Variants in BRINP1 observed in about 807,000 individuals in gnomAD.
BRINP1 encodes BMP/retinoic acid inducible neural specific 1.
BRINP1 carries 17 observed loss-of-function variants against 72.9 expected under a neutral mutation model. The observed-to-expected ratio is 0.23, with a 90% CI of 0.16 to 0.35. The LOEUF is 0.35. Among genes scored for constraint, BRINP1 ranks in the 10% least tolerant of loss-of-function variants. The pLI is 1.00. For missense variants in BRINP1, 850 were observed against 1,001.6 expected, an observed-to-expected ratio of 0.85 and a Z score of 2.04; for synonymous variants, 418 against 378.5, an observed-to-expected ratio of 1.10 and a Z score of -1.21.
At chr9:119,327,264 C>T (rs535131178) in intron 1 of BRINP1, among the ~76,000 whole-genome samples, 2 of 152,242 alleles carry the variant, frequency 1.3e-5, no homozygotes. Context: ...GTATTAAGCC[C>T]AGCACGCATT....
At chr9:119,219,835 T>C (rs554395951) in intron 5 of BRINP1, among the ~76,000 whole-genome samples, 1 of 152,164 alleles carries the variant, frequency 6.6e-6, no homozygotes, top group South Asian at 2.1e-4. Flanking sequence ...TCCACTCTCC[T>C]AGGGGGTAGC....
intron 1 of BRINP1, among the ~76,000 whole-genome samples, chr9:119,316,418 C>T (rs1384145362): frequency 1.3e-5 from 2 of 152,252 alleles, no homozygotes; most frequent in South Asian, 4.1e-4. Context: ...TACAAAATAG[C>T]TTTATATCTG....
intron 7 of BRINP1, among the ~76,000 whole-genome samples, chr9:119,182,491 A>G (rs1386300045): frequency 1.3e-5 from 2 of 152,244 alleles, no homozygotes; most frequent in African/African-American, 4.8e-5. Context: ...TGAAATTTCA[A>G]TTTCCAAGGT....
At chr9:119,175,528 A>G (rs1365461271) in intron 7 of BRINP1, among the ~76,000 whole-genome samples, 5 of 152,090 alleles carry the variant, frequency 3.3e-5, no homozygotes, top group Non-Finnish European at 7.4e-5. Context: ...AATAAAAAAA[A>G]GGGGGGGTTA....
At chr9:119,184,253 G>A (rs535724450) in intron 7 of BRINP1, among the ~76,000 whole-genome samples, 7 of 152,134 alleles carry the variant, frequency 4.6e-5, no homozygotes, top group African/African-American at 9.6e-5. Context: ...AATACACCCC[G>A]GACAGCACTC....
At chr9:119,183,026 A>G (rs1829575088) in intron 7 of BRINP1, among the ~76,000 whole-genome samples, 1 of 152,260 alleles carries the variant, frequency 6.6e-6, no homozygotes, top group African/African-American at 2.4e-5. Context: ...GCACTAAGTC[A>G]TCAAGGTTGT....
At chr9:119,341,795 A>G (rs1564252785) in intron 1 of BRINP1, among the ~76,000 whole-genome samples, 1 of 151,894 alleles carries the variant, frequency 6.6e-6, no homozygotes, top group Admixed American at 6.6e-5. Context: ...ACGGAGTCTC[A>G]CTCTATCACG....
chr9:119,357,394 G>A (rs985885472), intron 1 of BRINP1, among the ~76,000 whole-genome samples: 2 of 152,166 alleles, frequency 1.3e-5, no homozygotes, highest in African/African-American at 4.8e-5. Context: ...ATGACTGGTG[G>A]CTTTGGTGGT....
At chr9:119,350,965 A>T (rs1462692981) in intron 1 of BRINP1, among the ~76,000 whole-genome samples, 1 of 150,738 alleles carries the variant, frequency 6.6e-6, no homozygotes, top group Non-Finnish European at 1.5e-5. Flanking sequence ...TTTGTTACAT[A>T]GGTATACATA....
At chr9:119,246,532 C>T (rs943439756) in intron 3 of BRINP1, among the ~76,000 whole-genome samples, 8 of 152,150 alleles carry the variant, frequency 5.3e-5, no homozygotes, top group Non-Finnish European at 7.4e-5. Context: ...ACCTTGTGAT[C>T]GTGTGAGTCA....
intron 5 of BRINP1, among the ~76,000 whole-genome samples, chr9:119,218,207 T>C (rs1013804394): frequency 5.6e-5 from 2 of 35,666 alleles, no homozygotes; most frequent in Non-Finnish European, 1.5e-4. Flanking sequence ...AATAAATATT[T>C]TTTTTTTTTT....
At chr9:119,366,696 A>G (rs1471794812) in intron 1 of BRINP1, among the ~76,000 whole-genome samples, 2 of 151,930 alleles carry the variant, frequency 1.3e-5, no homozygotes. Context: ...GGTAGGGGTC[A>G]TGGTGGCAGG....
chr9:119,342,427 CAG>C (rs1831414794), intron 1 of BRINP1, among the ~76,000 whole-genome samples: 1 of 152,090 alleles, frequency 6.6e-6, no homozygotes, highest in African/African-American at 2.4e-5. Flanking sequence ...GACAAAGAAA[CAG>C]AGACACAAAG....
At chr9:119,288,455 C>A (rs1353286175) in intron 2 of BRINP1, among the ~76,000 whole-genome samples, 5 of 152,094 alleles carry the variant, frequency 3.3e-5, no homozygotes. Flanking sequence ...GGGCCTTGAC[C>A]TCAGTAGCCA....
intron 2 of BRINP1, among the ~76,000 whole-genome samples, chr9:119,250,134 G>C (rs1830370758): frequency 7.8e-6 from 1 of 128,518 alleles, no homozygotes; most frequent in African/African-American, 2.8e-5. Flanking sequence ...AGGAGGGAGG[G>C]AGGGAGGGAA....
intron 7 of BRINP1, among the ~76,000 whole-genome samples, chr9:119,186,686 G>A (rs549172891): frequency 1.3e-5 from 2 of 152,252 alleles, no homozygotes; most frequent in East Asian, 3.9e-4. Context: ...AACTGCTACA[G>A]TGCCCTACTG....
At chr9:119,326,835 G>A (rs760794231) in intron 1 of BRINP1, among the ~76,000 whole-genome samples, 4 of 152,214 alleles carry the variant, frequency 2.6e-5, no homozygotes, top group Non-Finnish European at 2.9e-5. Flanking sequence ...CCAGGGTTCT[G>A]TGGAACACGG....
chr9:119,228,483 TA>T (rs200941861), intron 5 of BRINP1, among the ~76,000 whole-genome samples: 34,502 of 147,216 alleles, frequency 0.23, 3,998 homozygotes, highest in Non-Finnish European at 0.26. Context: ...GTGAGTAAAA[TA>T]AAAAAAAAAA....
At chr9:119,281,351 C>A (rs1232378155) in intron 2 of BRINP1, among the ~76,000 whole-genome samples, 1 of 151,380 alleles carries the variant, frequency 6.6e-6, no homozygotes, top group Admixed American at 6.6e-5. Flanking sequence ...TACCAGGAAA[C>A]CAGTTCTCTT....
Sources: allele counts gnomAD v4.1 joint callset (sites outside exome capture counted in the v4.1 genomes callset), GRCh38; gene constraint gnomAD v4.1.1; transcripts MANE v1.5; gene names NCBI Gene and HGNC (gene_info 2026-07-23, HGNC 2026-07-21).